Variants in OPCML observed in about 807,000 individuals in gnomAD.
OPCML encodes the protein opioid-binding protein/cell adhesion molecule.
Under a neutral mutation model 37.8 loss-of-function variants are expected in OPCML, and 13 were observed. The ratio of observed to expected loss-of-function variants is 0.34; its 90% CI spans 0.22 to 0.55. The LOEUF is 0.55. Among genes scored for constraint, OPCML ranks in the 20% least tolerant of loss-of-function variants. OPCML has a pLI of 0.91. For synonymous variants in OPCML, 176 were observed against 168.8 expected (o/e 1.04, Z -0.33); for missense variants, 341 against 435.6 (o/e 0.78, Z 1.93).
chr11:132,713,738 C>T lies in OPCML; in HGVS notation c.147-56419G>A, dbSNP rs139574434. 2.6e-4 allele frequency among the ~76,000 whole-genome samples: 39 copies of T among 152,290 alleles called. No homozygotes were observed. The East Asian group carries it at 7.5e-3, about 29-fold the overall frequency. On this transcript the variant is annotated intron_variant, in intron 2 of 7. Transcript: ENST00000524381. ...TAAGCCCATGAGTTATGAACATGAA[C>T]ATCAGCCAGGAAAAAGAGTTATCCA... is the stretch of plus-strand genomic sequence containing the variant.
At chr11:132,482,571 G>A (rs2096184744) in intron 4 of OPCML, among the ~76,000 whole-genome samples, 1 of 152,226 alleles carries the variant, frequency 6.6e-6, no homozygotes, top group Non-Finnish European at 1.5e-5. Flanking sequence ...CTCATTTTAT[G>A]AGTCCAGCAT....
intron 4 of OPCML, among the ~76,000 whole-genome samples, chr11:132,469,080 A>C (rs559872802): frequency 2.0e-5 from 3 of 152,238 alleles, no homozygotes; most frequent in African/African-American, 7.2e-5. Context: ...AATTTTATTC[A>C]TTAGACAAAT....
chr11:132,874,890 T>C (rs1034407098), intron 2 of OPCML, among the ~76,000 whole-genome samples: 2 of 152,082 alleles, frequency 1.3e-5, no homozygotes, highest in Non-Finnish European at 2.9e-5. Flanking sequence ...TTACCACAAC[T>C]AAAAAGGCCT....
intron 1 of OPCML, among the ~76,000 whole-genome samples, chr11:133,094,274 T>C (rs897689366): frequency 3.3e-5 from 5 of 152,214 alleles, no homozygotes; most frequent in Admixed American, 3.3e-4. Flanking sequence ...TATTTAACAC[T>C]AACTGCATTT....
At chr11:132,423,637 C>A (rs1221624933) in intron 7 of OPCML, among the ~76,000 whole-genome samples, 5 of 152,344 alleles carry the variant, frequency 3.3e-5, no homozygotes, top group South Asian at 4.1e-4. Flanking sequence ...TGGGTTAGTT[C>A]TCTCCCACTA....
At chr11:132,895,921 CTTCAGTT>C (rs773660910) in intron 2 of OPCML, among the ~76,000 whole-genome samples, 12 of 151,990 alleles carry the variant, frequency 7.9e-5, no homozygotes, top group Non-Finnish European at 1.5e-4. Context: ...AAAAGAACTA[CTTCAGTT>C]TTCTAATTTA....
chr11:132,493,337 A>G (rs1475195102), intron 4 of OPCML, among the ~76,000 whole-genome samples: 2 of 152,204 alleles, frequency 1.3e-5, no homozygotes, highest in Non-Finnish European at 2.9e-5. Flanking sequence ...AGCTGCTGAG[A>G]TGCTCTTCCC....
At chr11:133,409,120 C>T (rs1407366689) in intron 1 of OPCML, among the ~76,000 whole-genome samples, 1 of 152,142 alleles carries the variant, frequency 6.6e-6, no homozygotes, top group Non-Finnish European at 1.5e-5. Flanking sequence ...AGGTGGTAAC[C>T]CTCTAGAGCA....
intron 4 of OPCML, among the ~76,000 whole-genome samples, chr11:132,476,198 A>C (rs757540397): frequency 1.3e-5 from 2 of 152,206 alleles, no homozygotes; most frequent in Admixed American, 6.5e-5. Context: ...CTCAGCATTA[A>C]GCCACCTTTA....
chr11:132,773,742 T>C (rs1946721051), intron 2 of OPCML, among the ~76,000 whole-genome samples: 1 of 152,192 alleles, frequency 6.6e-6, no homozygotes, highest in African/African-American at 2.4e-5. Context: ...CAATTCTCTT[T>C]CTGTATCTCC....
At chr11:132,793,192 C>T (rs761861467) in intron 2 of OPCML, among the ~76,000 whole-genome samples, 7 of 152,140 alleles carry the variant, frequency 4.6e-5, no homozygotes, top group Non-Finnish European at 8.8e-5. Context: ...CCTGCCCTGA[C>T]CCAGTGCTGC....
chr11:133,119,508 G>A (rs35454982), intron 1 of OPCML, among the ~76,000 whole-genome samples: 42,220 of 151,630 alleles, frequency 0.28, 6,510 homozygotes, highest in African/African-American at 0.41. Flanking sequence ...TTCTTGGTAC[G>A]CAGCCCAGCC....
chr11:132,548,005 CAT>C (rs1356451807), intron 3 of OPCML, among the ~76,000 whole-genome samples: 2 of 152,142 alleles, frequency 1.3e-5, no homozygotes, highest in African/African-American at 4.8e-5. Flanking sequence ...GATGAAAACT[CAT>C]TATAGTTAGA....
intron 4 of OPCML, among the ~76,000 whole-genome samples, chr11:132,465,301 C>T (rs958971634): frequency 3.9e-5 from 6 of 152,164 alleles, no homozygotes; most frequent in African/African-American, 1.4e-4. Flanking sequence ...ACTGAGCTTC[C>T]TAACTTTCAC....
chr11:132,642,469 G>A (rs928061754), intron 3 of OPCML, among the ~76,000 whole-genome samples: 2 of 152,118 alleles, frequency 1.3e-5, no homozygotes, highest in African/African-American at 2.4e-5. Flanking sequence ...TTAAAAAGGA[G>A]GCACAGTTAT....
At chr11:133,230,111 C>T (rs1940212931) in intron 1 of OPCML, among the ~76,000 whole-genome samples, 1 of 152,226 alleles carries the variant, frequency 6.6e-6, no homozygotes, top group South Asian at 2.1e-4. Flanking sequence ...TGCATTTCTA[C>T]TCACCGTGGT....
intron 1 of OPCML, among the ~76,000 whole-genome samples, chr11:133,029,190 C>T (rs1360811250): frequency 6.6e-6 from 1 of 150,782 alleles, no homozygotes; most frequent in Non-Finnish European, 1.5e-5. Context: ...GTCAGAATGG[C>T]TATTGTTAAA....
At chr11:132,451,679 G>C (rs1173713044) in intron 4 of OPCML, among the ~76,000 whole-genome samples, 7 of 152,166 alleles carry the variant, frequency 4.6e-5, no homozygotes, top group Non-Finnish European at 7.4e-5. Context: ...CCCTGCTGTG[G>C]GGCCTCCATC....
intron 2 of OPCML, among the ~76,000 whole-genome samples, chr11:132,876,693 G>A (rs1219613152): frequency 3.9e-5 from 6 of 152,168 alleles, no homozygotes; most frequent in African/African-American, 1.4e-4. Context: ...GGCCCCGGAT[G>A]AGCTATCACC....
Sources: gnomAD v4.1 joint callset for allele counts (sites outside exome capture counted in the v4.1 genomes callset) on GRCh38, gnomAD v4.1.1 for gene constraint, MANE v1.5 for transcripts, NCBI Gene and HGNC (gene_info 2026-07-23, HGNC 2026-07-21) for gene names.